Variants in SLIT1 observed in about 807,000 individuals in gnomAD.
SLIT1 encodes the protein slit guidance ligand 1.
Under a neutral mutation model 186.1 loss-of-function variants are expected in SLIT1, and 66 were observed. The observed-to-expected ratio is 0.35, with a 90% CI of 0.29 to 0.44. The LOEUF is 0.44. Ranked by LOEUF, SLIT1 falls within the 20% of genes least tolerant of loss-of-function variation. The pLI is 1.00. For synonymous variants in SLIT1, 761 were observed against 833.8 expected (o/e 0.91, Z 1.50); for missense variants, 1,638 against 2,037.4 (o/e 0.80, Z 3.77).
chr10:97,129,828 C>T (rs1849636896), intron 4 of SLIT1, among the ~76,000 whole-genome samples: 1 of 152,164 alleles, frequency 6.6e-6, no homozygotes, highest in Non-Finnish European at 1.5e-5. Context: ...TCCCCCAACC[C>T]CACCCACGTT....
chr10:97,051,978 T>G (rs568587399), intron 13 of SLIT1, among the ~76,000 whole-genome samples: 3 of 152,144 alleles, frequency 2.0e-5, no homozygotes, highest in Non-Finnish European at 4.4e-5. Flanking sequence ...GAAAAATTAT[T>G]TGGCGATCAA....
chr10:97,184,800 CT>C lies in SLIT1; in HGVS notation c.197+677del, dbSNP rs1850388848. ...TTCTCCATCCAAGACACACCTGCCC[CT>C]TTTCGGGTGCTGAATGTTACATACC... On this transcript the variant is annotated intron_variant, in intron 1 of 36. Coordinates refer to ENST00000266058, the MANE Select transcript of SLIT1 (RefSeq NM_003061.3). This position sits in a 1 kb window ranked among gnomAD's most constrained non-coding sequence, Gnocchi z 4.4. 6.6e-6 allele frequency among the ~76,000 whole-genome samples: 1 copy of C among 152,202 alleles called. No homozygotes were observed.
At chr10:97,164,661 A>G (rs533184410) in intron 2 of SLIT1, among the ~76,000 whole-genome samples, 158 bp downstream of exon 2, 15 of 152,162 alleles carry the variant, frequency 9.9e-5, no homozygotes, top group Middle Eastern at 3.4e-3. Flanking sequence ...AAGACTCAAC[A>G]TCACCCCACC....
At position 97,014,160 on chromosome 10, in the gene SLIT1, T is replaced by C. The variant is rs1392540267; in HGVS notation, c.2970-2A>G. The C allele has an allele frequency of 6.2e-7, 1 of 1,613,266 alleles. No individual in the cohort carries two copies. Among genetic ancestry groups the C allele is most frequent in the African/African-American group, 1.3e-5 (1 of 74,934 alleles). ...TCAAAGCCGGTGGGACAGGAGCACC[T>C]GTGCGGGGAAGGGGAGGATGGAGAG... On this transcript the variant is annotated splice_acceptor_variant, in intron 28 of 36. Coordinates refer to ENST00000266058, the MANE Select transcript of SLIT1 (RefSeq NM_003061.3). LOFTEE classifies it high-confidence loss of function.
intron 4 of SLIT1, among the ~76,000 whole-genome samples, chr10:97,129,213 G>C (rs149129978): frequency 5.2e-4 from 79 of 152,076 alleles, no homozygotes; most frequent in African/African-American, 1.9e-3. Flanking sequence ...ACCAGCCTGA[G>C]CAACATAGCG....
chr10:97,185,045 G>GA, intron 1 of SLIT1, among the ~76,000 whole-genome samples: 1 of 152,262 alleles, frequency 6.6e-6, no homozygotes, highest in Non-Finnish European at 1.5e-5. Flanking sequence ...CTGGGAGCGG[G>GA]AATCTGCGCA....
chr10:97,085,113 C>T (rs1849145177), intron 4 of SLIT1, among the ~76,000 whole-genome samples: 1 of 151,630 alleles, frequency 6.6e-6, no homozygotes, highest in Admixed American at 6.6e-5. Context: ...TTAGTAGAGA[C>T]AGGTTTTCAC....
Position 97,060,327 on chromosome 10 carries a change from A to G in SLIT1, c.942-169T>C, listed in dbSNP as rs1008970398. 2.6e-5 allele frequency among the ~76,000 whole-genome samples: 4 copies of G among 152,302 alleles called. No individual in the cohort carries two copies. The South Asian group carries it at 6.2e-4, about 24-fold the overall frequency. On this transcript the variant is annotated intron_variant, in intron 9 of 36. Coordinates refer to ENST00000266058, the MANE Select transcript of SLIT1 (RefSeq NM_003061.3). The stretch of plus-strand genomic sequence containing the variant: ...GTAAGGACGCCGGGACAGACAGAGA[A>G]AATGCTGACTTGCGCTCCATTATCA...
intron 4 of SLIT1, among the ~76,000 whole-genome samples, chr10:97,099,060 T>C (rs150737646): frequency 6.6e-6 from 1 of 151,908 alleles, no homozygotes; most frequent in Non-Finnish European, 1.5e-5. Context: ...GCCAAGCACC[T>C]GGTTCTCAGT....
At chr10:97,001,426 G>T in intron 36 of SLIT1, 76 bp from the exon 37 acceptor site, 1 of 1,123,280 alleles carries the variant, frequency 8.9e-7, no homozygotes, top group Non-Finnish European at 1.3e-6. Flanking sequence ...GAGGCAGGAG[G>T]AAGAGGAGGA....
At chr10:97,136,107 T>C (rs1849701256) in intron 4 of SLIT1, among the ~76,000 whole-genome samples, 1 of 152,190 alleles carries the variant, frequency 6.6e-6, no homozygotes, top group Non-Finnish European at 1.5e-5. Flanking sequence ...AACCATATTC[T>C]AAAGTCACTA....
At position 97,006,617 on chromosome 10, in the gene SLIT1, G is replaced by C. The variant is rs371295973; in HGVS notation, c.3445C>G (p.Pro1149Ala). The C allele has an allele frequency of 3.1e-6, 5 of 1,614,084 alleles. No individual in the cohort carries two copies. The East Asian group carries it at 6.7e-5, about 22-fold the overall frequency. The change falls in exon 32 of 37, where the codon CCT becomes GCT. Residue 1149 changes from proline to alanine, a missense_variant. This residue lies in a region of SLIT1 where 1,245 missense variants were observed against 1,535.3 expected (regional missense o/e 0.81). Coordinates refer to ENST00000266058, the MANE Select transcript of SLIT1 (RefSeq NM_003061.3). The surrounding 1 kb of genome is among the most constrained non-coding windows in gnomAD (Gnocchi z 4.0). ...GANCVDQGNR[P>A]VCQCLPGFGG... is the part of the protein sequence containing the mutation. ...AAGCCTGGGAGGCACTGGCACACAGGCCTGTTGCCCTGGTCCACACAGTTG... is the reference window on the plus strand; with the variant it reads ...AAGCCTGGGAGGCACTGGCACACAGCCCTGTTGCCCTGGTCCACACAGTTG...
intron 18 of SLIT1, among the ~76,000 whole-genome samples, chr10:97,044,883 C>T (rs1848721752): frequency 5.9e-5 from 9 of 152,224 alleles, no homozygotes; most frequent in Admixed American, 5.9e-4. Flanking sequence ...TGTTGAAGTC[C>T]TAATCCCCAG....
intron 4 of SLIT1, among the ~76,000 whole-genome samples, chr10:97,147,641 G>GA (rs1203839875): frequency 6.6e-6 from 1 of 151,550 alleles, no homozygotes; most frequent in East Asian, 1.9e-4. Context: ...GGAGGGGGGG[G>GA]AAGGAGGCCT....
intron 4 of SLIT1, among the ~76,000 whole-genome samples, chr10:97,156,783 C>A (rs1849957457): frequency 6.6e-6 from 1 of 152,120 alleles, no homozygotes; most frequent in African/African-American, 2.4e-5. Flanking sequence ...TCTCACCCAA[C>A]CCACACCCCT....
intron 16 of SLIT1, among the ~76,000 whole-genome samples, chr10:97,047,372 A>C (rs1454979585): frequency 6.6e-6 from 1 of 152,264 alleles, no homozygotes; most frequent in Admixed American, 6.5e-5. Context: ...TAAAAATAAC[A>C]AAGAGTTTTG....
intron 1 of SLIT1, among the ~76,000 whole-genome samples, chr10:97,180,382 G>T (rs879537524): frequency 2.6e-5 from 4 of 152,196 alleles, no homozygotes; most frequent in Non-Finnish European, 4.4e-5. Flanking sequence ...AGGAAATGGG[G>T]GTTCTGAGAA....
At chr10:97,048,079 G>T in intron 14 of SLIT1, 83 bp from the exon 15 acceptor site, 2 of 1,477,462 alleles carry the variant, frequency 1.4e-6, no homozygotes, top group Non-Finnish European at 1.9e-6. Flanking sequence ...CCACTGCTCA[G>T]CTGAAGGCAC....
intron 4 of SLIT1, among the ~76,000 whole-genome samples, chr10:97,135,979 G>GA (rs1849699132): frequency 6.6e-6 from 1 of 152,170 alleles, no homozygotes; most frequent in African/African-American, 2.4e-5. Flanking sequence ...GCATTCCGGG[G>GA]TCCTTGGGGT....
Sources: gnomAD v4.1 joint callset for allele counts (sites outside exome capture counted in the v4.1 genomes callset) on GRCh38, gnomAD v4.1.1 for gene constraint, gnomAD v4.1.1 regional missense constraint, Gnocchi (gnomAD v3.1) non-coding constraint, MANE v1.5 for transcripts, NCBI Gene and HGNC (gene_info 2026-07-23, HGNC 2026-07-21) for gene names.